ERN2: variants seen among roughly 807,000 people sequenced by gnomAD.
The protein encoded by ERN2 is endoplasmic reticulum to nucleus signaling 2.
ERN2 carries 111 observed loss-of-function variants against 107.9 expected under a neutral mutation model. That is an observed-to-expected ratio of 1.03 (90% confidence interval 0.88 to 1.20). ERN2 has a LOEUF of 1.20. Ranked by LOEUF, ERN2 falls within the 50% of genes most tolerant of loss-of-function variation. The pLI is 0.00. For missense variants in ERN2, 1,225 were observed against 1,197.9 expected, an observed-to-expected ratio of 1.02 and a Z score of -0.33; for synonymous variants, 524 against 501.7, an observed-to-expected ratio of 1.04 and a Z score of -0.59.
chr16:23,707,925 A>T (rs1366341972), intron 4 of ERN2, among the ~76,000 whole-genome samples: 1 of 151,892 alleles, frequency 6.6e-6, no homozygotes, highest in Non-Finnish European at 1.5e-5. Flanking sequence ...ACCCTTCTCT[A>T]CTCTGCTTTC....
At chr16:23,708,022 A>G (rs1276037074) in intron 4 of ERN2, among the ~76,000 whole-genome samples, 4 of 152,152 alleles carry the variant, frequency 2.6e-5, no homozygotes, top group Admixed American at 6.6e-5. Flanking sequence ...GGACAGGGTG[A>G]GATCAGAGTA....
intron 5 of ERN2, 43 bp from the exon 6 acceptor site, chr16:23,706,904 A>T: frequency 6.4e-7 from 1 of 1,573,990 alleles, no homozygotes. Flanking sequence ...TTGGCATGGG[A>T]AGAGGTGTGG....
rs866616390 is a variant in ERN2, at chr16:23,701,085, C to T, written c.1233G>A (p.Trp411Ter). The change falls in exon 12 of 22, where the codon TGG (tryptophan) becomes TGA (stop). Residue 411 changes from tryptophan to a stop codon, truncating the protein, a stop_gained. Transcript: ENST00000256797. LOFTEE classifies it high-confidence loss of function. ...ELLSLSREKL[W>*]DSELHPEEKT... ...TTTCTTCTGGATGCAGCTCGGAGTCCCAAAGTTTCTCTCGGCTCAGGCTCA... is the reference window on the plus strand; with the variant it reads ...TTTCTTCTGGATGCAGCTCGGAGTCTCAAAGTTTCTCTCGGCTCAGGCTCA... The T allele has an allele frequency of 1.1e-5, 18 of 1,613,942 alleles. No individual in the cohort carries two copies. Among genetic ancestry groups the T allele is most frequent in the Non-Finnish European group, 1.5e-5 (18 of 1,179,984 alleles).
In ERN2 at chr16:23,706,761, G is replaced by T; in HGVS notation, c.480C>A (p.Gly160=). The T allele has an allele frequency of 6.2e-7, 1 of 1,605,486 alleles. No homozygotes were observed. The highest frequency in any genetic ancestry group is 8.5e-7 in the Non-Finnish European group (1 of 1,175,452). Reference sequence around the variant, plus strand: ...AGCTGGGGCCCAACTCACGTGTTCGGCCAATGTAGAGGCGGGGGGTGGAGG... The same window carrying T: ...AGCTGGGGCCCAACTCACGTGTTCGTCCAATGTAGAGGCGGGGGGTGGAGG... ...EGPSTPRLYI[G]RTQYTVTMHD... The change falls in exon 6 of 22, where the codon GGC becomes GGA. Residue 160 remains glycine (G), a synonymous_variant. Coordinates refer to ENST00000256797, the MANE Select transcript of ERN2 (RefSeq NM_033266.4).
chr16:23,710,142 A>G (rs1276375868), intron 4 of ERN2, 30 bp downstream of exon 4: 1 of 1,534,062 alleles, frequency 6.5e-7, no homozygotes. Flanking sequence ...CCTGGCTCTC[A>G]CCCATTCCCG....
chr16:23,708,455 C>T (rs947768584), intron 4 of ERN2, among the ~76,000 whole-genome samples: 13 of 143,162 alleles, frequency 9.1e-5, no homozygotes, highest in Admixed American at 1.5e-4. Flanking sequence ...CTCCCGGGTA[C>T]AAACGATTCT....
chr16:23,704,781 C>A (rs890566654), intron 8 of ERN2, 102 bp downstream of exon 8: 1 of 1,267,774 alleles, frequency 7.9e-7, no homozygotes, highest in Non-Finnish European at 1.1e-6. Context: ...CCTGGTTCAG[C>A]GGTACTGGTG....
Position 23,690,435 on chromosome 16 carries a change from C to T in ERN2, c.*396G>A, listed in dbSNP as rs1043033298. The T allele has an allele frequency of 1.1e-5, 5 of 458,436 alleles. No individual in the cohort carries two copies. The highest frequency in any genetic ancestry group is 2.0e-5 in the Non-Finnish European group (5 of 250,182). The allele number at this position is 458,436 out of a possible 1,614,324, so 28.4% of individuals were successfully genotyped here. A position where few individuals can be genotyped will look rare whatever the true frequency, so the allele number is the denominator to read the frequency against. On this transcript the variant is annotated 3_prime_UTR_variant, in exon 22 of 22. Coordinates refer to ENST00000256797, the MANE Select transcript of ERN2 (RefSeq NM_033266.4). ...GCGAACATCTCTGCTTCATCAGCCCCAGGCTGCCCAGCCTCTGCCAGTCTT... is the reference window on the plus strand; with the variant it reads ...GCGAACATCTCTGCTTCATCAGCCCTAGGCTGCCCAGCCTCTGCCAGTCTT...
In ERN2 at chr16:23,695,256, G is replaced by A. The variant is rs1365755215; in HGVS notation, c.1744C>T (p.Arg582Trp). The A allele has an allele frequency of 1.9e-6, 3 of 1,613,984 alleles. No homozygotes were observed. Reference sequence around the variant, plus strand: ...GCAATGTAGTGGAACTGGGGTCCCCGCTCGGTGCAGAAGTAGCGGAGCACG... The same window carrying A: ...GCAATGTAGTGGAACTGGGGTCCCCACTCGGTGCAGAAGTAGCGGAGCACG... Reference protein sequence around the residue: ...PNVLRYFCTERGPQFHYIALE... With the variant: ...PNVLRYFCTEWGPQFHYIALE... Residue 582 changes from arginine to tryptophan, a missense_variant, in exon 15 of 22, where the codon CGG becomes TGG. Physicochemically the swap from Arg to Trp is moderately radical, Grantham distance 101. Coordinates refer to ENST00000256797, the MANE Select transcript of ERN2 (RefSeq NM_033266.4).
Position 23,695,377 on chromosome 16 carries a change from C to G in ERN2, c.1623G>C (p.Glu541Asp). The part of the protein sequence containing the change: ...GGTFVFRGQF[E>D]GRAVAVKRLL... ...GCCGCTTGACAGCCACTGCCCGTCC[C>G]TCAAACTGTCCCCTGGAAAGTGGGT... is the stretch of plus-strand genomic sequence containing the variant. Residue 541 changes from glutamate to aspartate, a missense_variant, in exon 15 of 22, where the codon GAG becomes GAC. Transcript: ENST00000256797. 2 of 1,594,978 alleles carry G rather than the reference C, an allele frequency of 1.3e-6. No individual in the cohort carries two copies. Among genetic ancestry groups the G allele is most frequent in the Non-Finnish European group, 1.7e-6 (2 of 1,170,592 alleles).
chr16:23,710,440 A>G, intron 3 of ERN2, 76 bp downstream of exon 3: 1 of 1,503,958 alleles, frequency 6.6e-7, no homozygotes, highest in Non-Finnish European at 9.3e-7. Context: ...TGCCCCACAT[A>G]CAAACTCTCT....
chr16:23,703,832 T>C (rs759207194), intron 8 of ERN2, among the ~76,000 whole-genome samples: 9 of 152,220 alleles, frequency 5.9e-5, no homozygotes, highest in Non-Finnish European at 1.0e-4. Flanking sequence ...TAGGAAGCTT[T>C]CCATGACTGC....
intron 19 of ERN2, 129 bp from the exon 20 acceptor site, chr16:23,691,554 CTG>C: frequency 1.8e-6 from 2 of 1,103,732 alleles, no homozygotes; most frequent in Non-Finnish European, 2.5e-6. Context: ...TGAAGCTTCT[CTG>C]TGCCACGCCT....
rs771845607 is a variant in ERN2, at chr16:23,706,400, G to A, written c.519C>T (p.Ala173=). 3.2e-6 allele frequency: 5 copies of A among 1,576,262 alleles called. No homozygotes were observed. The highest frequency in any genetic ancestry group is 4.3e-6 in the Non-Finnish European group (5 of 1,160,252). The change falls in exon 7 of 22, where the codon GCC becomes GCT. Residue 173 remains alanine, a synonymous_variant. Coordinates refer to ENST00000256797, the MANE Select transcript of ERN2 (RefSeq NM_033266.4). ...QYTVTMHDPR[A]PALRWNTTYR... ...AGGTGGTGTTCCAGCGCAGGGCTGGGGCTCTTGGGTCATGCATGGTGACCG... is the reference window on the plus strand; with the variant it reads ...AGGTGGTGTTCCAGCGCAGGGCTGGAGCTCTTGGGTCATGCATGGTGACCG...
At chr16:23,705,309 G>C (rs575040042) in intron 7 of ERN2, among the ~76,000 whole-genome samples, 162 bp from the exon 8 acceptor site, 2 of 152,180 alleles carry the variant, frequency 1.3e-5, no homozygotes, top group Non-Finnish European at 2.9e-5. Flanking sequence ...CTTTGAAAAC[G>C]AGGCCATCAG....
At chr16:23,708,113 C>G in intron 4 of ERN2, among the ~76,000 whole-genome samples, 1 of 152,166 alleles carries the variant, frequency 6.6e-6, no homozygotes, top group East Asian at 1.9e-4. Context: ...TCGGGTGGTG[C>G]TCTCGGGACA....
At chr16:23,701,208 A>G in intron 11 of ERN2, 94 bp from the exon 12 acceptor site, 1 of 1,331,492 alleles carries the variant, frequency 7.5e-7, no homozygotes. Context: ...GGCTTAGCTG[A>G]AGGGGCAGTG....
chr16:23,699,954 A>T (rs1248829723), intron 13 of ERN2, among the ~76,000 whole-genome samples: 1 of 152,120 alleles, frequency 6.6e-6, no homozygotes, highest in East Asian at 1.9e-4. Flanking sequence ...AAATGAAAAA[A>T]CTGAGCTCAA....
Position 23,692,196 on chromosome 16 carries a change from C to A in ERN2, c.2236G>T (p.Glu746Ter). The A allele has an allele frequency of 1.9e-6, 3 of 1,614,136 alleles. No individual in the cohort carries two copies. The highest frequency in any genetic ancestry group is 2.5e-6 in the Non-Finnish European group (3 of 1,180,038). Residue 746 changes from glutamate to a stop codon, truncating the protein, a stop_gained, in exon 18 of 22, where the codon GAA (glutamate) becomes TAA (stop). Transcript: ENST00000256797. LOFTEE classifies it high-confidence loss of function. ...TGAPCLAHLE[E>*]EVHDKVVARD... The stretch of plus-strand genomic sequence containing the variant: ...AGGGCTCCCTCACCGTGGACCTCTT[C>A]CTCCAGGTGAGCCAGACAGGGAGCC...
Sources: allele counts gnomAD v4.1 joint callset (sites outside exome capture counted in the v4.1 genomes callset), GRCh38; gene constraint gnomAD v4.1.1; transcripts MANE v1.5; gene names NCBI Gene and HGNC (gene_info 2026-07-23, HGNC 2026-07-21).